The following LRRC9 variants were observed in gnomAD, a reference collection of about 807,000 sequenced individuals.
The protein encoded by LRRC9 is leucine-rich repeat-containing protein 9.
Under a neutral mutation model 63.2 loss-of-function variants are expected in LRRC9, and 122 were observed. That is an observed-to-expected ratio of 1.93 (90% CI 1.67 to 2.24). The LOEUF is 2.24. LRRC9 is among the 30% of genes most tolerant of loss of function. The pLI is 0.00. For synonymous variants in LRRC9, 366 were observed against 213.1 expected (o/e 1.72, Z -6.25); for missense variants, 1,071 against 627.7 (o/e 1.71, Z -7.55).
chr14:59,987,016 A>G (rs1887542179), intron 17 of LRRC9, among the ~76,000 whole-genome samples: 1 of 152,140 alleles, frequency 6.6e-6, no homozygotes, highest in Non-Finnish European at 1.5e-5. Context: ...TCATCTTTTT[A>G]TTATAAAATA....
chr14:60,031,690 T>C lies in LRRC9; in HGVS notation c.3922-305T>C, dbSNP rs1169700989. On this transcript the variant is annotated intron_variant, in intron 28 of 31. Transcript: ENST00000445360. The surrounding 1 kb of genome is among the most constrained non-coding windows in gnomAD (Gnocchi z 4.6). ...CAATGTGCTGGAGGAATTAACCAAATATAATATGAGTCCTAGAATAAATCA... is the reference window on the plus strand; with the variant it reads ...CAATGTGCTGGAGGAATTAACCAAACATAATATGAGTCCTAGAATAAATCA... 6.6e-6 allele frequency among the ~76,000 whole-genome samples: 1 copy of C among 152,020 alleles called. No homozygotes were observed. The highest frequency in any genetic ancestry group is 1.5e-5 in the Non-Finnish European group (1 of 67,942).
chr14:60,027,858 A>T lies in LRRC9; in HGVS notation c.3704-26A>T, dbSNP rs1186640472. The T allele has an allele frequency of 4.5e-6, 3 of 660,304 alleles. No individual in the cohort carries two copies. Among genetic ancestry groups the T allele is most frequent in the Non-Finnish European group, 8.2e-6 (3 of 364,848 alleles). 40.9% of individuals were successfully genotyped at this position (660,304 alleles called of 1,614,324 possible). ...ACTTCAGGAAGTTTGGGCTCACTTG[A>T]TATATCATGACTTATCTCTTTTTAG... On this transcript the variant is annotated intron_variant, in intron 27 of 31. Coordinates refer to ENST00000445360, the Ensembl canonical transcript of LRRC9. The surrounding 1 kb of genome is among the most constrained non-coding windows in gnomAD (Gnocchi z 4.0).
At chr14:60,023,815 G>C (rs954771496) in intron 27 of LRRC9, among the ~76,000 whole-genome samples, 1 of 152,028 alleles carries the variant, frequency 6.6e-6, no homozygotes, top group Non-Finnish European at 1.5e-5. Context: ...CTCCCTGACA[G>C]GCCCCAGTGT....
chr14:60,001,978 C>T (rs779783548), exon 20 of LRRC9: 3 of 681,456 alleles, frequency 4.4e-6, no homozygotes, highest in Middle Eastern at 2.3e-4. Flanking sequence ...ATCTCTCTTA[C>T]GGCATTCTAG....
chr14:60,045,051 C>CTT (rs200934262), intron 29 of LRRC9, among the ~76,000 whole-genome samples: 5,484 of 118,762 alleles, frequency 0.046, 198 homozygotes, highest in African/African-American at 0.088. Context: ...CTTTCCTTGT[C>CTT]TTTTTTTTTT....
At position 60,060,090 on chromosome 14, in the gene LRRC9, T is replaced by C. The variant is rs1285586620; in HGVS notation, c.4276+2068T>C. 6.6e-6 allele frequency among the ~76,000 whole-genome samples: 1 copy of C among 152,212 alleles called. No homozygotes were observed. Among genetic ancestry groups the C allele is most frequent in the Non-Finnish European group, 1.5e-5 (1 of 68,028 alleles). The stretch of plus-strand genomic sequence containing the variant: ...ACTTAAAGAAACCATTGTTCAACCA[T>C]TGTAAAACTCCTAGGGCTCTTAAGA... On this transcript the variant is annotated intron_variant, in intron 31 of 31. Coordinates refer to ENST00000445360, the Ensembl canonical transcript of LRRC9. The surrounding 1 kb of genome is among the most constrained non-coding windows in gnomAD (Gnocchi z 4.0).
At chr14:60,063,910 T>A (rs922224519), downstream of LRRC9, among the ~76,000 whole-genome samples, 3 of 152,140 alleles carry the variant, frequency 2.0e-5, no homozygotes, top group Non-Finnish European at 2.9e-5. Context: ...TGTATTTTTT[T>A]AAAAAATACC....
Position 60,053,165 on chromosome 14 carries a change from C to T in LRRC9, c.4091C>T (p.Ala1364Val). 1 of 700,970 alleles carries T rather than the reference C, an allele frequency of 1.4e-6. No homozygotes were observed. The highest frequency in any genetic ancestry group is 1.5e-5 in the South Asian group (1 of 67,122). The allele number at this position is 700,970 out of a possible 1,614,324, so 43.4% of individuals were successfully genotyped here. A position where few individuals can be genotyped will look rare whatever the true frequency, so the allele number is the denominator to read the frequency against. Residue 1364 changes from alanine to valine, a missense_variant, in exon 30 of 32, where the codon GCT becomes GTT. Physicochemically the swap from Ala to Val is moderately conservative, Grantham distance 64. Coordinates refer to ENST00000445360, the Ensembl canonical transcript of LRRC9. The surrounding 1 kb of genome is among the most constrained non-coding windows in gnomAD (Gnocchi z 4.8). ...GTGAATTCAGATGATAGGGCAAAAG[C>T]TGAATTTCACCTCGCTGAACTACAA...
intron 8 of LRRC9, among the ~76,000 whole-genome samples, chr14:59,950,671 G>C (rs1475067968): frequency 1.2e-4 from 16 of 134,432 alleles, no homozygotes; most frequent in Non-Finnish European, 2.2e-4. Context: ...CTTCCTTCAG[G>C]AGCTCTTTTA....
chr14:59,972,093 G>T (rs1438308024), intron 12 of LRRC9, among the ~76,000 whole-genome samples: 1 of 151,980 alleles, frequency 6.6e-6, no homozygotes, highest in African/African-American at 2.4e-5. Flanking sequence ...TATGCCAAGT[G>T]ACCCTAATGA....
intron 27 of LRRC9, 133 bp downstream of exon 27, chr14:60,023,003 C>A (rs74059607): frequency 1.5e-4 from 62 of 403,870 alleles, no homozygotes; most frequent in African/African-American, 1.1e-3. Context: ...TTAATAATCA[C>A]AAATTGATTT....
At chr14:59,955,112 G>A (rs896517461) in intron 8 of LRRC9, among the ~76,000 whole-genome samples, 2 of 152,014 alleles carry the variant, frequency 1.3e-5, no homozygotes, top group African/African-American at 4.8e-5. Flanking sequence ...TTCTTTTTTT[G>A]TTGTGTCTCT....
At chr14:59,980,785 C>G (rs1886844096) in intron 15 of LRRC9, among the ~76,000 whole-genome samples, 1 of 152,076 alleles carries the variant, frequency 6.6e-6, no homozygotes, top group Admixed American at 6.5e-5. Flanking sequence ...GATACAGAAA[C>G]CCAGACAAAC....
At chr14:60,016,373 C>T (rs1047483445) in intron 23 of LRRC9, among the ~76,000 whole-genome samples, 1 of 151,940 alleles carries the variant, frequency 6.6e-6, no homozygotes, top group African/African-American at 2.4e-5. Context: ...TTGACTAATT[C>T]TTTTTTGTTT....
chr14:60,047,330 G>C (rs912166600), intron 29 of LRRC9, among the ~76,000 whole-genome samples: 1 of 152,054 alleles, frequency 6.6e-6, no homozygotes, highest in Admixed American at 6.6e-5. Context: ...AAGGAGGATA[G>C]AGACATGACA....
At chr14:59,928,422 A>G (rs903656511) in exon 3 of LRRC9, 2 of 697,556 alleles carry the variant, frequency 2.9e-6, no homozygotes, top group Non-Finnish European at 2.6e-6. Flanking sequence ...GATATAAAAG[A>G]AATTTCAGGG....
chr14:59,931,511 G>GT, intron 4 of LRRC9, 108 bp from the exon 5 acceptor site: 1 of 555,216 alleles, frequency 1.8e-6, no homozygotes, highest in South Asian at 2.5e-5. Flanking sequence ...GGAGTACAAA[G>GT]TACCCTGTGC....
intron 17 of LRRC9, among the ~76,000 whole-genome samples, chr14:59,989,797 GT>G (rs1368971613): frequency 3.3e-5 from 5 of 151,964 alleles, no homozygotes; most frequent in African/African-American, 1.2e-4. Context: ...ATGAGGTAAG[GT>G]TCAGGAAAGT....
Position 60,027,176 on chromosome 14 carries a change from C to T in LRRC9, c.3704-708C>T, listed in dbSNP as rs1891624353. On this transcript the variant is annotated intron_variant, in intron 27 of 31. Transcript: ENST00000445360. This position sits in a 1 kb window ranked among gnomAD's most constrained non-coding sequence, Gnocchi z 4.0. ...TCTTTGAGAAAGCCACTTAATTTCT[C>T]TGACCCTCAATTTTCTGATTAGAAA... is the stretch of plus-strand genomic sequence containing the variant. 6.6e-6 allele frequency among the ~76,000 whole-genome samples: 1 copy of T among 152,010 alleles called. No individual in the cohort carries two copies. The highest frequency in any genetic ancestry group is 2.1e-4 in the South Asian group (1 of 4,824).
Sources: gnomAD v4.1 joint callset for allele counts (sites outside exome capture counted in the v4.1 genomes callset) on GRCh38, gnomAD v4.1.1 for gene constraint, Gnocchi (gnomAD v3.1) non-coding constraint, MANE v1.5 for transcripts, NCBI Gene and HGNC (gene_info 2026-07-23, HGNC 2026-07-21) for gene names.